Variants in SPAG16 observed in about 807,000 individuals in gnomAD.
The protein encoded by SPAG16 is sperm associated antigen 16.
SPAG16 carries 86 observed loss-of-function variants against 80.4 expected under a neutral mutation model. That is an observed-to-expected ratio of 1.07 (90% CI 0.90 to 1.28). The LOEUF (loss-of-function observed/expected upper bound fraction) is 1.28. Among genes scored for constraint, SPAG16 ranks in the 50% most tolerant of loss-of-function variants. The pLI, the probability that SPAG16 is intolerant of heterozygous loss-of-function variation, is 0.00. For synonymous variants in SPAG16, 294 were observed against 265.9 expected, an observed-to-expected ratio of 1.11 and a Z score of -1.03; for missense variants, 870 against 765.3, an observed-to-expected ratio of 1.14 and a Z score of -1.61.
chr2:213,648,237 G>A (rs1035297188), intron 10 of SPAG16, among the ~76,000 whole-genome samples: 1 of 152,186 alleles, frequency 6.6e-6, no homozygotes, highest in Non-Finnish European at 1.5e-5. Context: ...GAGCAGGTTT[G>A]AGAATAATCT....
At chr2:214,170,946 T>C (rs369501266) in intron 15 of SPAG16, among the ~76,000 whole-genome samples, 1 of 152,144 alleles carries the variant, frequency 6.6e-6, no homozygotes, top group South Asian at 2.1e-4. Flanking sequence ...TTAACTCTAG[T>C]CCCAATATCA....
intron 13 of SPAG16, among the ~76,000 whole-genome samples, chr2:214,065,385 G>A (rs1451597950): frequency 6.6e-6 from 1 of 152,038 alleles, no homozygotes; most frequent in Non-Finnish European, 1.5e-5. Context: ...ACACCGACTG[G>A]AACATAGTAG....
chr2:213,426,646 C>G (rs1012571465), intron 9 of SPAG16, among the ~76,000 whole-genome samples: 3 of 151,904 alleles, frequency 2.0e-5, no homozygotes, highest in Non-Finnish European at 4.4e-5. Context: ...GCTTCTCTGG[C>G]TAGAAGGTAG....
intron 10 of SPAG16, among the ~76,000 whole-genome samples, chr2:213,723,907 G>T (rs1162868535): frequency 6.6e-6 from 1 of 152,190 alleles, no homozygotes; most frequent in South Asian, 2.1e-4. Flanking sequence ...ACCAGGAAGT[G>T]CCTCATCAGC....
At chr2:213,872,377 A>G (rs544784232) in intron 11 of SPAG16, among the ~76,000 whole-genome samples, 1 of 152,290 alleles carries the variant, frequency 6.6e-6, no homozygotes, top group South Asian at 2.1e-4. Context: ...TCACAGCACA[A>G]AAAGAAAACA....
intron 9 of SPAG16, among the ~76,000 whole-genome samples, chr2:213,480,418 A>G (rs10498007): frequency 0.096 from 14,652 of 152,256 alleles, 1,836 homozygotes; most frequent in African/African-American, 0.29. Context: ...ATGGAAGCAG[A>G]TTAAAGCAGG....
intron 15 of SPAG16, among the ~76,000 whole-genome samples, chr2:214,360,650 A>G (rs1699125230): frequency 6.6e-6 from 1 of 151,908 alleles, no homozygotes; most frequent in Non-Finnish European, 1.5e-5. Flanking sequence ...TTAGTATAAT[A>G]GTGTTGCTAC....
Position 213,666,024 on chromosome 2 carries a change from T to A in SPAG16, c.1070+175934T>A, listed in dbSNP as rs779203949. Among the ~76,000 whole-genome samples, 17 of 152,118 alleles carry A rather than the reference T, an allele frequency of 1.1e-4. 1 individual carries two copies. Among genetic ancestry groups the A allele is most frequent in the Non-Finnish European group, 7.4e-5 (5 of 67,998 alleles). On this transcript the variant is annotated intron_variant, in intron 10 of 15. Transcript: ENST00000331683. ...CCTTATTGGACCTTAGTTAGAAACA[T>A]GTGGGTTGGGCGTGAAAGCACTGTG...
chr2:214,255,948 A>AT, intron 15 of SPAG16, among the ~76,000 whole-genome samples: 1 of 152,048 alleles, frequency 6.6e-6, no homozygotes. Context: ...CTCTCATGAA[A>AT]GTGTTTTCAT....
intron 10 of SPAG16, among the ~76,000 whole-genome samples, chr2:213,676,037 T>G (rs1451745466): frequency 2.0e-5 from 3 of 152,210 alleles, no homozygotes; most frequent in Non-Finnish European, 4.4e-5. Context: ...GTTCTTCCAT[T>G]TGTTTGTATC....
intron 15 of SPAG16, among the ~76,000 whole-genome samples, chr2:214,289,179 C>T (rs970373259): frequency 1.3e-5 from 2 of 152,262 alleles, no homozygotes; most frequent in East Asian, 3.9e-4. Context: ...AATATTTTCT[C>T]CCATTCAACA....
intron 15 of SPAG16, among the ~76,000 whole-genome samples, chr2:214,189,322 G>A (rs2057583139): frequency 6.6e-6 from 1 of 151,876 alleles, no homozygotes; most frequent in African/African-American, 2.4e-5. Context: ...TAGGAAACAT[G>A]CAGTTCACAT....
intron 9 of SPAG16, among the ~76,000 whole-genome samples, chr2:213,426,584 A>G (rs1455678079): frequency 6.6e-6 from 1 of 151,968 alleles, no homozygotes; most frequent in Non-Finnish European, 1.5e-5. Context: ...TGTATTATGT[A>G]TTATCACTGC....
At chr2:213,590,313 GA>G (rs1220792510) in intron 10 of SPAG16, among the ~76,000 whole-genome samples, 1 of 151,986 alleles carries the variant, frequency 6.6e-6, no homozygotes, top group Non-Finnish European at 1.5e-5. Flanking sequence ...CCCAAGTAGT[GA>G]ATATAGTACA....
chr2:214,033,990 T>C (rs2048555413), intron 13 of SPAG16, among the ~76,000 whole-genome samples: 1 of 152,240 alleles, frequency 6.6e-6, no homozygotes, highest in Admixed American at 6.5e-5. Flanking sequence ...TTAGTTGTCT[T>C]GTCTCTTTAG....
At chr2:213,517,007 G>A (rs1167591489) in intron 10 of SPAG16, among the ~76,000 whole-genome samples, 1 of 152,032 alleles carries the variant, frequency 6.6e-6, no homozygotes, top group Non-Finnish European at 1.5e-5. Context: ...CATTGAAATA[G>A]GAAAATAAGT....
Position 213,821,895 on chromosome 2 carries a change from A to G in SPAG16, c.1071-40590A>G, listed in dbSNP as rs77960400. Among the ~76,000 whole-genome samples the G allele has an allele frequency of 9.1e-3, 1,388 of 152,268 alleles. 26 individuals carry two copies. Among genetic ancestry groups the G allele is most frequent in the African/African-American group, 0.03 (1,260 of 41,544 alleles). On this transcript the variant is annotated intron_variant, in intron 10 of 15. Transcript: ENST00000331683. ...AAGTGATGGGATCTCATTTTTTTGT[A>G]GCTAAATAGTACTCCATTTTTTATA...
chr2:213,546,714 T>C (rs1034505243), intron 10 of SPAG16, among the ~76,000 whole-genome samples: 2 of 152,176 alleles, frequency 1.3e-5, no homozygotes, highest in African/African-American at 4.8e-5. Context: ...TGTTTCTTGA[T>C]ATTTCTTTTT....
rs727502 is a variant in SPAG16 at position 213,715,266 on chromosome 2, A to G, written c.1071-147219A>G. 7.4e-3 allele frequency among the ~76,000 whole-genome samples: 1,114 copies of G among 151,002 alleles called. 13 individuals carry two copies. Among genetic ancestry groups the G allele is most frequent in the Middle Eastern group, 0.014 (4 of 288 alleles). ...TATCTATCTATCTATCTATCTATCT[A>G]TCCATTCATCCATCTAAGACAGAGT... On this transcript the variant is annotated intron_variant, in intron 10 of 15. Coordinates refer to ENST00000331683, the MANE Select transcript of SPAG16 (RefSeq NM_024532.5).
Sources: allele counts gnomAD v4.1 joint callset (sites outside exome capture counted in the v4.1 genomes callset), GRCh38; gene constraint gnomAD v4.1.1; transcripts MANE v1.5; gene names NCBI Gene and HGNC (gene_info 2026-07-23, HGNC 2026-07-21).